The following TSPAN3 variants were observed in gnomAD, a reference collection of about 807,000 sequenced individuals.
TSPAN3 encodes the protein tetraspanin-3.
TSPAN3 carries 9 observed loss-of-function variants against 31.1 expected under a neutral mutation model. The ratio of observed to expected loss-of-function variants is 0.29; its 90% CI spans 0.17 to 0.50. The LOEUF (loss-of-function observed/expected upper bound fraction) is 0.50, where lower values mean the gene tolerates loss of function less well. Ranked by LOEUF, TSPAN3 falls within the 20% of genes least tolerant of loss-of-function variation. The probability of loss-of-function intolerance (pLI) is 0.98; values close to 1 mark genes in which losing one functional copy is unlikely to be tolerated. For missense variants in TSPAN3, 252 were observed against 313.5 expected, an observed-to-expected ratio of 0.80 and a Z score of 1.48; for synonymous variants, 129 against 114.3, an observed-to-expected ratio of 1.13 and a Z score of -0.82.
chr15:77,053,451 C>CAAAAAGAAAAA (rs2076745080), intron 4 of TSPAN3, among the ~76,000 whole-genome samples: 1 of 50,382 alleles, frequency 2.0e-5, no homozygotes, highest in Admixed American at 2.4e-4. Flanking sequence ...TTCGCCATCT[C>CAAAAAGAAAAA]AAAAAAAAAA....
chr15:77,043,291 G>C lies in TSPAN3; in HGVS notation c.*3544C>G, dbSNP rs1265031837. 1 of 152,242 alleles carries C rather than the reference G, an allele frequency of 6.6e-6. No individual in the cohort carries two copies. The highest frequency in any genetic ancestry group is 1.5e-5 in the Non-Finnish European group (1 of 68,082). The allele number at this position is 152,242 out of a possible 1,614,324, so 9.4% of individuals were successfully genotyped here. On this transcript the variant is annotated 3_prime_UTR_variant, in exon 7 of 7. Transcript: ENST00000267970. ...TCCCTTAGCCCTAGGGGTGATGGCT[G>C]TTCTCTGCTAAGCTGCTTTAGAGCT...
intron 1 of TSPAN3, among the ~76,000 whole-genome samples, chr15:77,056,703 T>A (rs1003888732): frequency 6.6e-6 from 1 of 152,098 alleles, no homozygotes; most frequent in African/African-American, 2.4e-5. Context: ...TTCTAATCTC[T>A]ATCTACCCCA....
chr15:77,052,726 G>C (rs1294239653), intron 5 of TSPAN3, 51 bp downstream of exon 5: 1 of 1,590,900 alleles, frequency 6.3e-7, no homozygotes, highest in African/African-American at 1.3e-5. Flanking sequence ...ATAAGACATG[G>C]TGAAAAACAG....
rs1323419141 is a variant in TSPAN3 at position 77,071,047 on chromosome 15, G to A, written c.-93C>T. 14 of 892,966 alleles carry A rather than the reference G, an allele frequency of 1.6e-5. No individual in the cohort carries two copies. Among genetic ancestry groups the A allele is most frequent in the South Asian group, 3.2e-5 (1 of 31,738 alleles). The allele number at this position is 892,966 out of a possible 1,614,324, so 55.3% of individuals were successfully genotyped here. ...CGGCGGCGCCTCCTCGCTAGGAACT[G>A]CACGGCCTGCGCGGCGCTCCCCGCA... On this transcript the variant is annotated 5_prime_UTR_variant, in exon 1 of 7. Transcript: ENST00000267970.
chr15:77,069,127 A>G (rs2076851114), intron 1 of TSPAN3, among the ~76,000 whole-genome samples: 1 of 152,152 alleles, frequency 6.6e-6, no homozygotes, highest in African/African-American at 2.4e-5. Flanking sequence ...CTGGGCTCTC[A>G]GGTTGTAGAA....
At chr15:77,051,922 G>A (rs1179480231) in intron 6 of TSPAN3, among the ~76,000 whole-genome samples, 2 of 152,064 alleles carry the variant, frequency 1.3e-5, no homozygotes, top group Non-Finnish European at 1.5e-5. Flanking sequence ...CTTGATTTAC[G>A]TATATGAATA....
In TSPAN3 at chr15:77,054,167, A is replaced by G; in HGVS notation, c.432+11T>C. 1 of 1,609,636 alleles carries G rather than the reference A, an allele frequency of 6.2e-7. No homozygotes were observed. ...GGTCCTCAAAAACAAATCTGCCTCA[A>G]GAAAGCTCACCTGTCTCTGTACATA... On this transcript the variant is annotated intron_variant, in intron 4 of 6. Transcript: ENST00000267970.
intron 1 of TSPAN3, among the ~76,000 whole-genome samples, chr15:77,062,883 T>C (rs942891076): frequency 7.9e-5 from 12 of 152,174 alleles, no homozygotes; most frequent in African/African-American, 2.4e-4. Flanking sequence ...TGTGGTGTGA[T>C]AGGGGAAAAA....
chr15:77,054,131 C>G, intron 4 of TSPAN3, 47 bp downstream of exon 4: 1 of 1,325,130 alleles, frequency 7.5e-7, no homozygotes, highest in Non-Finnish European at 1.1e-6. Flanking sequence ...AATGTTGACC[C>G]AATCGTGATT....
At chr15:77,054,029 A>C in intron 4 of TSPAN3, 149 bp downstream of exon 4, 1 of 559,420 alleles carries the variant, frequency 1.8e-6, no homozygotes, top group Non-Finnish European at 3.2e-6. Flanking sequence ...AAACTTTTCA[A>C]GGGTGAAGGT....
intron 1 of TSPAN3, chr15:77,064,194 A>G (rs996884225): frequency 6.6e-6 from 1 of 151,986 alleles, no homozygotes; most frequent in Non-Finnish European, 1.5e-5. Context: ...ATATTTTTCA[A>G]TAAAGACTTA....
At chr15:77,069,632 A>G (rs1173550928) in intron 1 of TSPAN3, among the ~76,000 whole-genome samples, 1 of 152,196 alleles carries the variant, frequency 6.6e-6, no homozygotes, top group Non-Finnish European at 1.5e-5. Flanking sequence ...ACAAGTGTGT[A>G]GCAAGTGCTT....
In TSPAN3 at chr15:77,052,866, T is replaced by C. The variant is rs893801570; in HGVS notation, c.496A>G (p.Lys166Glu). 1.2e-6 allele frequency: 2 copies of C among 1,614,180 alleles called. No individual in the cohort carries two copies. Among genetic ancestry groups the C allele is most frequent in the Admixed American group, 1.7e-5 (1 of 60,024 alleles). ...CAGCTAAGAGGGACACTCTGGTTTT[T>C]GGTTTCTTTGAACCAATCTGTATTT... is the stretch of plus-strand genomic sequence containing the variant. The part of the protein sequence containing the change: ...WENTDWFKET[K>E]NQSVPLSCCR... The change falls in exon 5 of 7, where the codon AAA becomes GAA. Residue 166 changes from lysine to glutamate, a missense_variant. Transcript: ENST00000267970.
At chr15:77,070,790 C>G (rs2076864075) in intron 1 of TSPAN3, 102 bp downstream of exon 1, 1 of 620,700 alleles carries the variant, frequency 1.6e-6, no homozygotes, top group East Asian at 1.4e-4. Context: ...GCGCGCGGCC[C>G]CCGCGCGCCC....
At chr15:77,069,086 T>C (rs1240462269) in intron 1 of TSPAN3, among the ~76,000 whole-genome samples, 1 of 152,248 alleles carries the variant, frequency 6.6e-6, no homozygotes, top group African/African-American at 2.4e-5. Context: ...TTTCATTTGT[T>C]TTCCAGTCAT....
At chr15:77,052,505 T>C (rs1032332093) in intron 5 of TSPAN3, 37 bp from the exon 6 acceptor site, 4 of 1,595,702 alleles carry the variant, frequency 2.5e-6, no homozygotes, top group Non-Finnish European at 2.6e-6. Flanking sequence ...AGAAGTGTTC[T>C]TTAAAAGTTA....
rs916710921 is a variant in TSPAN3 at position 77,071,094 on chromosome 15, C to T, written c.-140G>A. 73 of 480,010 alleles carry T rather than the reference C, an allele frequency of 1.5e-4. No individual in the cohort carries two copies. In the Admixed American group the frequency reaches 2.4e-3, roughly 16 times the overall value. The allele number at this position is 480,010 out of a possible 1,614,324, so 29.7% of individuals were successfully genotyped here. On this transcript the variant is annotated 5_prime_UTR_variant, in exon 1 of 7. Transcript: ENST00000267970. Reference sequence around the variant, plus strand: ...CGCAGCCCCTGCGCCGTCGCGCAGCCCCGACCCCAGCAAGTGCCTCGCTCC... The same window carrying T: ...CGCAGCCCCTGCGCCGTCGCGCAGCTCCGACCCCAGCAAGTGCCTCGCTCC...
chr15:77,061,056 T>C (rs180885646), intron 1 of TSPAN3, among the ~76,000 whole-genome samples: 3 of 152,326 alleles, frequency 2.0e-5, no homozygotes, highest in African/African-American at 4.8e-5. Flanking sequence ...TGCAAGTATA[T>C]GAGTTCCAAA....
rs2076688489 is a variant in TSPAN3, at chr15:77,045,979, A to T, written c.*856T>A. 1.3e-5 allele frequency: 2 copies of T among 154,534 alleles called. No homozygotes were observed. The highest frequency in any genetic ancestry group is 4.1e-4 in the South Asian group (2 of 4,852). The allele number at this position is 154,534 out of a possible 1,614,324, so 9.6% of individuals were successfully genotyped here. A position where few individuals can be genotyped will look rare whatever the true frequency, so the allele number is the denominator to read the frequency against. Reference sequence around the variant, plus strand: ...ACAGCACCAACAAAGAAAACATGATACTGCTGCTCTGGAACTGAAATATCC... The same window carrying T: ...ACAGCACCAACAAAGAAAACATGATTCTGCTGCTCTGGAACTGAAATATCC... On this transcript the variant is annotated 3_prime_UTR_variant, in exon 7 of 7. Transcript: ENST00000267970.
Sources: allele counts gnomAD v4.1 joint callset (sites outside exome capture counted in the v4.1 genomes callset), GRCh38; gene constraint gnomAD v4.1.1; transcripts MANE v1.5; gene names NCBI Gene and HGNC (gene_info 2026-07-23, HGNC 2026-07-21).